The following PRSS12 variants were observed in gnomAD, a reference collection of about 807,000 sequenced individuals.
The protein encoded by PRSS12 is neurotrypsin.
A neutral mutation model predicts 104.4 loss-of-function variants in PRSS12; 85 were observed. The observed-to-expected ratio is 0.81, with a 90% confidence interval of 0.68 to 0.98. PRSS12 has a LOEUF of 0.98. PRSS12 is among the 50% of genes least tolerant of loss of function. PRSS12 has a pLI of 0.00. For synonymous variants in PRSS12, 454 were observed against 425.2 expected (o/e 1.07, Z -0.83); for missense variants, 1,141 against 1,139.2 (o/e 1.00, Z -0.02).
rs1324459042 is a variant in PRSS12, at chr4:118,282,852, T to C, written c.2299A>G (p.Ile767Val). The C allele has an allele frequency of 3.1e-6, 5 of 1,614,108 alleles. No individual in the cohort carries two copies. The highest frequency in any genetic ancestry group is 2.2e-5 in the East Asian group (1 of 44,896). Reference sequence around the variant, plus strand: ...TTACCTGTGTCACCCCATCCTGTTATGTAACAGTTGGATGCTGTTTTCTGT... The same window carrying C: ...TTACCTGTGTCACCCCATCCTGTTACGTAACAGTTGGATGCTGTTTTCTGT... ...RPQKTASNCY[I>V]TGWGDTGRAY... Residue 767 changes from isoleucine to valine, a missense_variant, in exon 12 of 13, where the codon ATA (isoleucine) becomes GTA (valine). Physicochemically the swap from Ile to Val is conservative, Grantham distance 29. Coordinates refer to ENST00000296498, the MANE Select transcript of PRSS12 (RefSeq NM_003619.4).
intron 7 of PRSS12, among the ~76,000 whole-genome samples, chr4:118,311,725 T>A (rs1482759618): frequency 6.6e-6 from 1 of 152,192 alleles, no homozygotes; most frequent in Non-Finnish European, 1.5e-5. Context: ...ACCCTCAGGT[T>A]TTTAAATTTT....
intron 4 of PRSS12, among the ~76,000 whole-genome samples, chr4:118,326,589 C>T (rs1056138913): frequency 6.6e-6 from 1 of 152,196 alleles, no homozygotes; most frequent in Non-Finnish European, 1.5e-5. Context: ...ATCTAAAACA[C>T]GGTCACTATC....
At chr4:118,338,441 C>T (rs1027620946) in intron 1 of PRSS12, 127 bp from the exon 2 acceptor site, 3 of 1,199,038 alleles carry the variant, frequency 2.5e-6, no homozygotes, top group Admixed American at 4.0e-5. Flanking sequence ...GATTTAGCCT[C>T]CACTGTGTGT....
chr4:118,330,908 G>A (rs1348632549), intron 4 of PRSS12, among the ~76,000 whole-genome samples: 1 of 150,094 alleles, frequency 6.7e-6, no homozygotes, highest in Non-Finnish European at 1.5e-5. Flanking sequence ...CAACAATCAT[G>A]CTCCAGTCAA....
At position 118,318,531 on chromosome 4, in the gene PRSS12, C is replaced by T. The variant is rs749028385; in HGVS notation, c.997G>A (p.Ala333Thr). 19 of 1,613,950 alleles carry T rather than the reference C, an allele frequency of 1.2e-5. No homozygotes were observed. Among genetic ancestry groups the T allele is most frequent in the Non-Finnish European group, 1.4e-5 (17 of 1,180,000 alleles). The change falls in exon 5 of 13, where the codon GCA (alanine) becomes ACA (threonine). Residue 333 changes from alanine to threonine, a missense_variant. Coordinates refer to ENST00000296498, the MANE Select transcript of PRSS12 (RefSeq NM_003619.4). ...LSGIAKAWHQ[A>T]YFGEGSGPVM... ...GGGCCAGACCCTTCCCCAAAATATG[C>T]CTGATGCCATGCTTTGGCAATGCCA... is the stretch of plus-strand genomic sequence containing the variant.
intron 4 of PRSS12, among the ~76,000 whole-genome samples, chr4:118,319,000 G>C (rs1399933848): frequency 6.6e-6 from 1 of 152,064 alleles, no homozygotes; most frequent in Non-Finnish European, 1.5e-5. Flanking sequence ...TCCATCTCCA[G>C]AACTTTTTCA....
chr4:118,331,993 A>G, intron 3 of PRSS12, 127 bp from the exon 4 acceptor site: 1 of 1,189,512 alleles, frequency 8.4e-7, no homozygotes, highest in Non-Finnish European at 1.2e-6. Context: ...CACCAGTGAT[A>G]TGGACATACG....
chr4:118,301,492 T>G (rs1743405366), intron 8 of PRSS12, among the ~76,000 whole-genome samples: 2 of 152,196 alleles, frequency 1.3e-5, no homozygotes. Context: ...TCAGATGAAT[T>G]TGGAAGTCAA....
chr4:118,330,276 A>T (rs1723884769), intron 4 of PRSS12, among the ~76,000 whole-genome samples: 1 of 152,200 alleles, frequency 6.6e-6, no homozygotes, highest in South Asian at 2.1e-4. Flanking sequence ...CTCCTGGTGA[A>T]ATGCAAGATG....
At chr4:118,342,166 C>A (rs1221651401) in intron 1 of PRSS12, among the ~76,000 whole-genome samples, 1 of 152,044 alleles carries the variant, frequency 6.6e-6, no homozygotes, top group Non-Finnish European at 1.5e-5. Context: ...TATAGGTACA[C>A]AATTACACAA....
chr4:118,325,378 G>C (rs546419963), intron 4 of PRSS12, among the ~76,000 whole-genome samples: 2 of 149,548 alleles, frequency 1.3e-5, no homozygotes, highest in South Asian at 4.2e-4. Flanking sequence ...ATCCATTTCT[G>C]TATGTTTATT....
intron 11 of PRSS12, among the ~76,000 whole-genome samples, chr4:118,293,553 A>G (rs148183481): frequency 4.6e-5 from 7 of 152,330 alleles, no homozygotes; most frequent in African/African-American, 1.7e-4. Context: ...GACTTAGCAC[A>G]CAGAACATAT....
At position 118,316,837 on chromosome 4, in the gene PRSS12, A is replaced by AAATATATATATAT. The variant is rs35698159; in HGVS notation, c.1151-515_1151-514insATATATATATATT. Among the ~76,000 whole-genome samples the AAATATATATATAT allele has an allele frequency of 3.5e-3, 343 of 99,146 alleles. 4 individuals carry two copies. The highest frequency in any genetic ancestry group is 0.011 in the South Asian group (30 of 2,610). 65.0% of individuals were successfully genotyped at this position (99,146 alleles called of 152,430 possible). Reference sequence around the variant, plus strand: ...ACTCCGTCTCACGGAAAAAAAAAAAAATATATATATATATATATATCTTTC... The same window carrying AAATATATATATAT: ...ACTCCGTCTCACGGAAAAAAAAAAAAAATATATATATATATATATATATATATATATATCTTTC... On this transcript the variant is annotated intron_variant, in intron 5 of 12. Coordinates refer to ENST00000296498, the MANE Select transcript of PRSS12 (RefSeq NM_003619.4).
intron 3 of PRSS12, 145 bp downstream of exon 3, chr4:118,335,328 T>C (rs1430312123): frequency 1.1e-6 from 1 of 895,370 alleles, no homozygotes; most frequent in South Asian, 1.8e-5. Flanking sequence ...TGAAGACTAA[T>C]TAGATGGTAA....
intron 8 of PRSS12, among the ~76,000 whole-genome samples, chr4:118,306,650 T>A (rs577033088): frequency 3.9e-5 from 6 of 152,220 alleles, no homozygotes; most frequent in Admixed American, 1.3e-4. Context: ...GCCCCCATGA[T>A]CCAAACACCT....
chr4:118,299,858 G>A (rs2126029482), intron 8 of PRSS12, among the ~76,000 whole-genome samples: 1 of 146,516 alleles, frequency 6.8e-6, no homozygotes, highest in South Asian at 2.1e-4. Flanking sequence ...AGCTGGGCAT[G>A]TAGTCCCAGC....
chr4:118,352,636 G>C lies in PRSS12; in HGVS notation c.85C>G (p.Leu29Val). 2.5e-6 allele frequency: 4 copies of C among 1,612,892 alleles called. No homozygotes were observed. The highest frequency in any genetic ancestry group is 3.4e-6 in the Non-Finnish European group (4 of 1,179,486). The change falls in exon 1 of 13, where the codon CTC becomes GTC. Residue 29 changes from leucine to valine, a missense_variant. Transcript: ENST00000296498. ...VGFDSVLNDS[L>V]HHSHRHSPPA... Reference sequence around the variant, plus strand: ...GGCGAATGGCGGTGGCTGTGGTGGAGGGAATCATTGAGGACAGAATCAAAG... The same window carrying C: ...GGCGAATGGCGGTGGCTGTGGTGGACGGAATCATTGAGGACAGAATCAAAG...
chr4:118,338,537 T>C lies in PRSS12; in HGVS notation c.503-223A>G, dbSNP rs538190708. On this transcript the variant is annotated intron_variant, in intron 1 of 12. Transcript: ENST00000296498. ...TCCTGACGTCAATGCTAATTATATT[T>C]TCTTTTTTATCTAGGCAAACAGACA... Among the ~76,000 whole-genome samples, 9 of 152,320 alleles carry C rather than the reference T, an allele frequency of 5.9e-5. No individual in the cohort carries two copies. In the South Asian group the frequency reaches 1.9e-3, roughly 32 times the overall value.
chr4:118,318,822 G>C (rs1251727158), intron 4 of PRSS12, among the ~76,000 whole-genome samples: 1 of 152,068 alleles, frequency 6.6e-6, no homozygotes, highest in African/African-American at 2.4e-5. Context: ...ATTTTTAGGA[G>C]GACAATGGCT....
Sources: allele counts gnomAD v4.1 joint callset (sites outside exome capture counted in the v4.1 genomes callset), GRCh38; gene constraint gnomAD v4.1.1; transcripts MANE v1.5; gene names NCBI Gene and HGNC (gene_info 2026-07-23, HGNC 2026-07-21).